Variants in ZNF396 observed in about 807,000 individuals in gnomAD.
The protein encoded by ZNF396 is zinc finger and SCAN domain-containing protein 14.
Under a neutral mutation model 20.5 loss-of-function variants are expected in ZNF396, and 14 were observed. The observed-to-expected ratio is 0.68, with a 90% CI of 0.45 to 1.07. The LOEUF (loss-of-function observed/expected upper bound fraction) is 1.07. Among genes scored for constraint, ZNF396 ranks in the 50% least tolerant of loss-of-function variants. The pLI, the probability that ZNF396 is intolerant of heterozygous loss-of-function variation, is 0.00. For synonymous variants in ZNF396, 119 were observed against 140.6 expected (o/e 0.85, Z 1.08); for missense variants, 347 against 390.1 (o/e 0.89, Z 0.93).
chr18:35,373,184 C>T (rs1220443883), intron 3 of ZNF396: 15 of 421,572 alleles, frequency 3.6e-5, no homozygotes, highest in Non-Finnish European at 5.4e-5. Context: ...CAAGGGCTGC[C>T]TGAAGATAAA....
At position 35,374,300 on chromosome 18, in the gene ZNF396, G is replaced by T; in HGVS notation, c.-8C>A. The T allele has an allele frequency of 1.9e-6, 3 of 1,611,196 alleles. No individual in the cohort carries two copies. In the South Asian group the frequency reaches 3.3e-5, roughly 18 times the overall value. Reference sequence around the variant, plus strand: ...TCCCAATTTTGCAGACATTTTGACAGACAAATAGCTCAGTACTGTTAGGCT... The same window carrying T: ...TCCCAATTTTGCAGACATTTTGACATACAAATAGCTCAGTACTGTTAGGCT... On this transcript the variant is annotated 5_prime_UTR_variant, in exon 2 of 4. It adds an upstream start codon to the 5' untranslated region. Coordinates refer to ENST00000589332, the MANE Select transcript of ZNF396 (RefSeq NM_001322286.2). The surrounding 1 kb of genome is among the most constrained non-coding windows in gnomAD (Gnocchi z 4.3).
At chr18:35,370,141 T>G (rs1412362184) in intron 3 of ZNF396, among the ~76,000 whole-genome samples, 1 of 152,064 alleles carries the variant, frequency 6.6e-6, no homozygotes, top group East Asian at 1.9e-4. Context: ...GAAAATAAAG[T>G]AAGAAAATAT....
In ZNF396 at chr18:35,370,821, C is replaced by T. The variant is rs116207342; in HGVS notation, c.563-1161G>A. On this transcript the variant is annotated intron_variant, in intron 3 of 3. Transcript: ENST00000589332. ...AGCCACCGCGCCCGGCCCATGGTGG[C>T]ATTTTAACTGAAGCTGCTGAAAGAC... is the stretch of plus-strand genomic sequence containing the variant. Among the ~76,000 whole-genome samples, 926 of 152,252 alleles carry T rather than the reference C, an allele frequency of 6.1e-3. 9 individuals carry two copies. The highest frequency in any genetic ancestry group is 0.021 in the African/African-American group (876 of 41,544).
At chr18:35,369,794 G>T in intron 3 of ZNF396, 134 bp from the exon 4 acceptor site, 1 of 930,290 alleles carries the variant, frequency 1.1e-6, no homozygotes, top group Non-Finnish European at 1.6e-6. Flanking sequence ...ATATTGAGAA[G>T]TTTATATAAG....
intron 2 of ZNF396, 74 bp from the exon 3 acceptor site, chr18:35,373,674 C>T: frequency 1.3e-6 from 2 of 1,560,150 alleles, no homozygotes; most frequent in Non-Finnish European, 1.7e-6. Context: ...AGAGAAGAAA[C>T]TATGCAAAAA....
intron 3 of ZNF396, chr18:35,372,510 C>T (rs2045196496): frequency 6.6e-6 from 1 of 152,164 alleles, no homozygotes; most frequent in Non-Finnish European, 1.5e-5. Flanking sequence ...GCTTAGCTAT[C>T]AGCCACTCCT....
Position 35,368,262 on chromosome 18 carries a change from AAGG to A in ZNF396, c.*950_*952del. 4.5e-6 allele frequency: 3 copies of A among 671,580 alleles called. No homozygotes were observed. 41.6% of individuals were successfully genotyped at this position (671,580 alleles called of 1,614,324 possible). A position where few individuals can be genotyped will look rare whatever the true frequency, so the allele number is the denominator to read the frequency against. ...TGACTTATTTCCAAATTACATTGCA[AAGG>A]AGATTATTTTTTTCCAACACGGGAA... On this transcript the variant is annotated 3_prime_UTR_variant, in exon 4 of 4. Transcript: ENST00000589332.
chr18:35,373,036 T>C (rs1598704124), intron 3 of ZNF396: 1 of 186,298 alleles, frequency 5.4e-6, no homozygotes, highest in East Asian at 1.4e-4. Flanking sequence ...AAAGCACGTA[T>C]GAGAGCAAAG....
chr18:35,370,673 C>T (rs536635719), intron 3 of ZNF396, among the ~76,000 whole-genome samples: 27 of 151,064 alleles, frequency 1.8e-4, no homozygotes, highest in Non-Finnish European at 4.4e-5. Flanking sequence ...CCACTACGCC[C>T]GGCTAATTTT....
rs1315516103 is a variant in ZNF396, at chr18:35,367,281, TCTC to T, written c.*1931_*1933del. ...TTCTATAATAAAATTTACATTCACT[TCTC>T]CTCCTACTAATCTTACATTTATCAG... On this transcript the variant is annotated 3_prime_UTR_variant, in exon 4 of 4. Coordinates refer to ENST00000589332, the MANE Select transcript of ZNF396 (RefSeq NM_001322286.2). The T allele has an allele frequency of 1.2e-4, 18 of 152,284 alleles. 1 individual carries two copies. The highest frequency in any genetic ancestry group is 1.9e-4 in the African/African-American group (8 of 41,564). 9.4% of individuals were successfully genotyped at this position (152,284 alleles called of 1,614,324 possible).
rs750898082 is a variant in ZNF396, at chr18:35,368,427, G to A, written c.*788C>T. Reference sequence around the variant, plus strand: ...CATATTCTTTTGGGCCTCTGCAATCGCATGTTCATATTTTGAATCTAGTAA... The same window carrying A: ...CATATTCTTTTGGGCCTCTGCAATCACATGTTCATATTTTGAATCTAGTAA... On this transcript the variant is annotated 3_prime_UTR_variant, in exon 4 of 4. Transcript: ENST00000589332. 6 of 1,411,494 alleles carry A rather than the reference G, an allele frequency of 4.3e-6. No homozygotes were observed. Among genetic ancestry groups the A allele is most frequent in the South Asian group, 4.1e-5 (2 of 48,564 alleles). The allele number at this position is 1,411,494 out of a possible 1,614,324, so 87.4% of individuals were successfully genotyped here.
chr18:35,369,539 A>G lies in ZNF396; in HGVS notation c.684T>C (p.Tyr228=), dbSNP rs763452412. The G allele has an allele frequency of 6.2e-7, 1 of 1,613,964 alleles. No individual in the cohort carries two copies. Among genetic ancestry groups the G allele is most frequent in the African/African-American group, 1.3e-5 (1 of 74,920 alleles). ...LHMNGSQSST[Y]RGTYEQDGRF... The stretch of plus-strand genomic sequence containing the variant: ...TACCATCTTGTTCATAGGTTCCTCT[A>G]TATGTGGAACTCTGGGAGCCATTCA... The change falls in exon 4 of 4, where the codon TAT becomes TAC. Residue 228 remains tyrosine (Y), a synonymous_variant. Transcript: ENST00000589332.
At chr18:35,370,504 ATTTTTTT>A (rs35532616) in intron 3 of ZNF396, among the ~76,000 whole-genome samples, 63 of 81,778 alleles carry the variant, frequency 7.7e-4, no homozygotes, top group African/African-American at 2.9e-3. Flanking sequence ...TCATGGTGGC[ATTTTTTT>A]TTTTTTTTTT....
Position 35,374,354 on chromosome 18 carries a change from G to A in ZNF396, c.-62C>T. On this transcript the variant is annotated 5_prime_UTR_variant, in exon 2 of 4. Coordinates refer to ENST00000589332, the MANE Select transcript of ZNF396 (RefSeq NM_001322286.2). The surrounding 1 kb of genome is among the most constrained non-coding windows in gnomAD (Gnocchi z 4.3). Reference sequence around the variant, plus strand: ...ATCCTCAAGGAGGTGAAGCTGTCCTGATGGACACTCCTTAAATATGATTAA... The same window carrying A: ...ATCCTCAAGGAGGTGAAGCTGTCCTAATGGACACTCCTTAAATATGATTAA... The A allele has an allele frequency of 6.8e-7, 1 of 1,470,266 alleles. No homozygotes were observed. The highest frequency in any genetic ancestry group is 1.2e-5 in the South Asian group (1 of 81,568). The allele number at this position is 1,470,266 out of a possible 1,614,324, so 91.1% of individuals were successfully genotyped here.
chr18:35,368,487 T>TTTATTTATTTAC lies in ZNF396; in HGVS notation c.*727_*728insGTAAATAAATAA, dbSNP rs2045126246. 9.0e-6 allele frequency: 6 copies of TTTATTTATTTAC among 664,856 alleles called. No individual in the cohort carries two copies. In the Admixed American group the frequency reaches 3.0e-4, roughly 34 times the overall value. 41.2% of individuals were successfully genotyped at this position (664,856 alleles called of 1,614,324 possible). On this transcript the variant is annotated 3_prime_UTR_variant, in exon 4 of 4. Transcript: ENST00000589332. ...AAATAGGAATTTATTTTTATTTTTA[T>TTTATTTATTTAC]TTATTTATTTATTTATTTATTTATT...
At chr18:35,373,680 A>G in intron 2 of ZNF396, 80 bp from the exon 3 acceptor site, 1 of 1,553,042 alleles carries the variant, frequency 6.4e-7, no homozygotes, top group Non-Finnish European at 8.7e-7. Flanking sequence ...GAAACTATGC[A>G]AAAAGTATCA....
chr18:35,373,227 T>G, intron 3 of ZNF396: 1 of 524,604 alleles, frequency 1.9e-6, no homozygotes, highest in Non-Finnish European at 3.1e-6. Flanking sequence ...AAAACCCTGA[T>G]GCAGATGTCA....
chr18:35,375,250 GC>G (rs2045240032), intron 1 of ZNF396, among the ~76,000 whole-genome samples: 1 of 145,888 alleles, frequency 6.9e-6, no homozygotes, highest in Admixed American at 7.0e-5. Context: ...TTTGGGACCA[GC>G]CTGTGCAACA....
intron 3 of ZNF396, among the ~76,000 whole-genome samples, chr18:35,370,277 C>T (rs563990014): frequency 1.3e-5 from 2 of 152,026 alleles, no homozygotes; most frequent in East Asian, 1.9e-4. Flanking sequence ...CTGGTTGAAT[C>T]GCTGTTTGTT....
Sources: gnomAD v4.1 joint callset for allele counts (sites outside exome capture counted in the v4.1 genomes callset) on GRCh38, gnomAD v4.1.1 for gene constraint, Gnocchi (gnomAD v3.1) non-coding constraint, MANE v1.5 for transcripts, NCBI Gene and HGNC (gene_info 2026-07-23, HGNC 2026-07-21) for gene names.